The following RIN3 variants were observed in gnomAD, a reference collection of about 807,000 sequenced individuals.
RIN3 encodes RAB5 interacting protein 3.
In RIN3, 54 loss-of-function variants were observed where a neutral mutation model predicts 76.3. The observed-to-expected ratio is 0.71, with a 90% CI of 0.57 to 0.89. The LOEUF (loss-of-function observed/expected upper bound fraction) is 0.89. Ranked by LOEUF, RIN3 falls within the 40% of genes least tolerant of loss-of-function variation. The probability of loss-of-function intolerance (pLI) is 0.00; values close to 1 mark genes in which losing one functional copy is unlikely to be tolerated. For missense variants in RIN3, 1,256 were observed against 1,322.1 expected, an observed-to-expected ratio of 0.95 and a Z score of 0.78; for synonymous variants, 576 against 564.0, an observed-to-expected ratio of 1.02 and a Z score of -0.30.
chr14:92,615,505 G>T lies in RIN3; in HGVS notation c.440+26G>T, dbSNP rs1194849258. ...GTGAGTAGACCCGGCCCTGCAGGAG[G>T]TTATCTGGTTGTAGCAAACATCACA... On this transcript the variant is annotated intron_variant, in intron 4 of 9. Transcript: ENST00000216487. 2.5e-6 allele frequency: 4 copies of T among 1,594,662 alleles called. No homozygotes were observed. In the African/African-American group the frequency reaches 5.4e-5, roughly 21 times the overall value.
chr14:92,622,565 T>C (rs1463838520), intron 4 of RIN3, among the ~76,000 whole-genome samples: 1 of 152,168 alleles, frequency 6.6e-6, no homozygotes, highest in African/African-American at 2.4e-5. Flanking sequence ...AGGGGGAGCA[T>C]GCAAAACAAA....
rs765836030 is a variant in RIN3, at chr14:92,688,059, G to C, written c.2765G>C (p.Arg922Pro). ...GCGGTGGAGCGGCCGCAGGCGCACC[G>C]GCTGTTCGTGCTGGTGGACGGGCGC... ...KFAVERPQAH[R>P]LFVLVDGRCF... Residue 922 changes from arginine to proline, a missense_variant, in exon 10 of 10, where the codon CGG becomes CCG. Around this residue, in one of 3 missense-constraint regions of RIN3, gnomAD observed 218 missense variants for 174.5 expected, o/e 1.25. Coordinates refer to ENST00000216487, the MANE Select transcript of RIN3 (RefSeq NM_024832.5). 6.2e-7 allele frequency: 1 copy of C among 1,602,926 alleles called. No homozygotes were observed. Among genetic ancestry groups the C allele is most frequent in the African/African-American group, 1.3e-5 (1 of 74,898 alleles).
chr14:92,677,791 T>C (rs1888520413), intron 8 of RIN3, among the ~76,000 whole-genome samples: 1 of 151,684 alleles, frequency 6.6e-6, no homozygotes, highest in African/African-American at 2.4e-5. Context: ...CATCCACCCA[T>C]TCACCTACCC....
rs1044026734 is a variant in RIN3 at position 92,687,787 on chromosome 14, G to T, written c.2632-139G>T. ...CCCCCCGCAGGCTCGCGGCAGAGAC[G>T]GGAAAGGCGCAGGTGCCGGACTCGC... is the stretch of plus-strand genomic sequence containing the variant. On this transcript the variant is annotated intron_variant, in intron 9 of 9. Coordinates refer to ENST00000216487, the MANE Select transcript of RIN3 (RefSeq NM_024832.5). The T allele has an allele frequency of 5.4e-6, 4 of 740,306 alleles. No homozygotes were observed. In the East Asian group the frequency reaches 9.8e-5, roughly 18 times the overall value. The allele number at this position is 740,306 out of a possible 1,614,324, so 45.9% of individuals were successfully genotyped here. A position where few individuals can be genotyped will look rare whatever the true frequency, so the allele number is the denominator to read the frequency against.
At chr14:92,579,976 T>C (rs1225369821) in intron 3 of RIN3, among the ~76,000 whole-genome samples, 1 of 152,192 alleles carries the variant, frequency 6.6e-6, no homozygotes, top group African/African-American at 2.4e-5. Flanking sequence ...CAATTGAAGG[T>C]TAATCTTCTA....
chr14:92,600,603 G>A (rs940071424), intron 3 of RIN3, among the ~76,000 whole-genome samples: 4 of 152,200 alleles, frequency 2.6e-5, no homozygotes, highest in African/African-American at 7.2e-5. Context: ...GTCATGGGCC[G>A]TCTTCCATTG....
intron 2 of RIN3, chr14:92,576,380 C>G: frequency 7.8e-7 from 1 of 1,289,768 alleles, no homozygotes; most frequent in Non-Finnish European, 1.0e-6. Flanking sequence ...GGTGAGACCT[C>G]GGTTAGTATT....
At chr14:92,529,253 C>T (rs55645322) in intron 1 of RIN3, among the ~76,000 whole-genome samples, 10,106 of 143,096 alleles carry the variant, frequency 0.071, 1,049 homozygotes, top group African/African-American at 0.24. Flanking sequence ...CTTTTTTTTT[C>T]TTTTTTTTTT....
At chr14:92,527,733 G>A (rs777823995) in intron 1 of RIN3, among the ~76,000 whole-genome samples, 18 of 152,066 alleles carry the variant, frequency 1.2e-4, no homozygotes, top group Non-Finnish European at 2.1e-4. Flanking sequence ...TTTCGAGAAC[G>A]TCCTGTGAAT....
At position 92,685,508 on chromosome 14, in the gene RIN3, C is replaced by T. The variant is rs1021297684; in HGVS notation, c.2631+358C>T. ...ATCCCAGTCCCTGCTTTAAGGAGCC[C>T]ACAGGCTCATCTACAGCCTTGCTCC... On this transcript the variant is annotated intron_variant, in intron 9 of 9. Transcript: ENST00000216487. The surrounding 1 kb of genome is among the most constrained non-coding windows in gnomAD (Gnocchi z 4.7). The T allele has an allele frequency of 1.4e-4, 33 of 232,632 alleles. No individual in the cohort carries two copies. Among genetic ancestry groups the T allele is most frequent in the Non-Finnish European group, 2.8e-4 (32 of 116,046 alleles). 14.4% of individuals were successfully genotyped at this position (232,632 alleles called of 1,614,324 possible).
intron 9 of RIN3, chr14:92,687,161 C>T (rs1008725078): frequency 3.3e-5 from 5 of 152,274 alleles, no homozygotes. Flanking sequence ...CCTGCTCGCC[C>T]ATTTATGGGA....
intron 7 of RIN3, among the ~76,000 whole-genome samples, chr14:92,663,359 G>A (rs1238597485): frequency 6.6e-6 from 1 of 152,236 alleles, no homozygotes; most frequent in Non-Finnish European, 1.5e-5. Flanking sequence ...AAAGGCAGCT[G>A]CTGGAAAGGG....
intron 4 of RIN3, among the ~76,000 whole-genome samples, chr14:92,634,872 A>AG (rs1886719772): frequency 1.3e-5 from 2 of 150,806 alleles, no homozygotes; most frequent in South Asian, 2.1e-4. Context: ...AAAAAAAAAA[A>AG]GGTGGATTCT....
chr14:92,664,048 G>C (rs918000881), intron 7 of RIN3, among the ~76,000 whole-genome samples: 1 of 152,090 alleles, frequency 6.6e-6, no homozygotes, highest in Non-Finnish European at 1.5e-5. Flanking sequence ...TCCCAGCCAC[G>C]TTCCCAACAA....
chr14:92,554,295 G>C (rs1897517530), intron 1 of RIN3, among the ~76,000 whole-genome samples: 1 of 152,128 alleles, frequency 6.6e-6, no homozygotes, highest in Non-Finnish European at 1.5e-5. Context: ...CAAACATGAG[G>C]GTCTTGGGGA....
At chr14:92,629,523 A>C (rs886701739) in intron 4 of RIN3, among the ~76,000 whole-genome samples, 3 of 152,232 alleles carry the variant, frequency 2.0e-5, no homozygotes, top group Admixed American at 6.5e-5. Flanking sequence ...TAAAGATACA[A>C]AGTCATTTAC....
chr14:92,641,138 C>T (rs1054488461), intron 4 of RIN3, 100 bp from the exon 5 acceptor site: 1 of 898,234 alleles, frequency 1.1e-6, no homozygotes, highest in Admixed American at 1.8e-5. Context: ...TGTATGGAGA[C>T]CCTGGCAGCC....
intron 7 of RIN3, among the ~76,000 whole-genome samples, chr14:92,663,919 T>C (rs1487784612): frequency 6.6e-6 from 1 of 152,210 alleles, no homozygotes; most frequent in Admixed American, 6.5e-5. Flanking sequence ...AAGGAGTTAC[T>C]TCCTGAGCCT....
intron 3 of RIN3, among the ~76,000 whole-genome samples, chr14:92,578,063 G>C (rs909527521): frequency 9.2e-5 from 14 of 152,106 alleles, no homozygotes; most frequent in African/African-American, 2.9e-4. Flanking sequence ...AACATAGAAA[G>C]ACCCCCTCTC....
Sources: gnomAD v4.1 joint callset for allele counts (sites outside exome capture counted in the v4.1 genomes callset) on GRCh38, gnomAD v4.1.1 for gene constraint, gnomAD v4.1.1 regional missense constraint, Gnocchi (gnomAD v3.1) non-coding constraint, MANE v1.5 for transcripts, NCBI Gene and HGNC (gene_info 2026-07-23, HGNC 2026-07-21) for gene names.